Variants in CDH13 observed in about 807,000 individuals in gnomAD.
The protein encoded by CDH13 is cadherin-13.
Under a neutral mutation model 63.8 loss-of-function variants are expected in CDH13, and 24 were observed. The observed-to-expected ratio is 0.38, with a 90% CI of 0.27 to 0.53. The LOEUF is 0.53. Ranked by LOEUF, CDH13 falls within the 20% of genes least tolerant of loss-of-function variation. The probability of loss-of-function intolerance (pLI) is 0.85; values close to 1 mark genes in which losing one functional copy is unlikely to be tolerated. For synonymous variants in CDH13, 503 were observed against 355.3 expected, an observed-to-expected ratio of 1.42 and a Z score of -4.67; for missense variants, 1,049 against 903.1, an observed-to-expected ratio of 1.16 and a Z score of -2.07.
intron 10 of CDH13, among the ~76,000 whole-genome samples, chr16:83,691,114 G>C (rs891090452): frequency 6.2e-5 from 8 of 129,872 alleles, no homozygotes; most frequent in Non-Finnish European, 1.2e-4. Context: ...GTGTGTGTGT[G>C]TGTGTCAGAG....
chr16:83,755,031 G>T (rs995035062), intron 11 of CDH13, among the ~76,000 whole-genome samples: 1 of 152,026 alleles, frequency 6.6e-6, no homozygotes, highest in Non-Finnish European at 1.5e-5. Context: ...GACTACAGAG[G>T]ATCCAGATAT....
chr16:82,938,583 T>C (rs2042739713), intron 2 of CDH13, among the ~76,000 whole-genome samples: 1 of 152,184 alleles, frequency 6.6e-6, no homozygotes, highest in Non-Finnish European at 1.5e-5. Flanking sequence ...TCTAAGACAC[T>C]GGTCCAGTGG....
chr16:83,093,722 G>A (rs1019748234), intron 3 of CDH13, among the ~76,000 whole-genome samples: 2 of 152,270 alleles, frequency 1.3e-5, no homozygotes. Flanking sequence ...AATTTGCTAG[G>A]CGCTTGTACC....
At position 82,926,733 on chromosome 16, in the gene CDH13, G is replaced by A. The variant is rs1377979769; in HGVS notation, c.157+68260G>A. ...CCATAGTTATTCACCCAACCTCTGA[G>A]CAGTGTGAGGCATGGACAGGAGGAC... is the stretch of plus-strand genomic sequence containing the variant. On this transcript the variant is annotated intron_variant, in intron 2 of 13. Transcript: ENST00000567109. 2.0e-5 allele frequency among the ~76,000 whole-genome samples: 3 copies of A among 152,214 alleles called. No homozygotes were observed. The East Asian group carries it at 5.8e-4, about 29-fold the overall frequency.
Position 82,661,173 on chromosome 16 carries a change from A to G in CDH13, c.45+34036A>G, listed in dbSNP as rs571921030. ...TTCATCCTGATGGAGCAAACGGCTCATTGTTTACGCTGACCTAGTGAGGTT... is the reference window on the plus strand; with the variant it reads ...TTCATCCTGATGGAGCAAACGGCTCGTTGTTTACGCTGACCTAGTGAGGTT... On this transcript the variant is annotated intron_variant, in intron 1 of 13. Coordinates refer to ENST00000567109, the MANE Select transcript of CDH13 (RefSeq NM_001257.5). 9.2e-5 allele frequency among the ~76,000 whole-genome samples: 14 copies of G among 152,266 alleles called. No homozygotes were observed. In the South Asian group the frequency reaches 1.7e-3, roughly 18 times the overall value.
At chr16:82,836,059 C>G (rs541973333) in intron 1 of CDH13, among the ~76,000 whole-genome samples, 1 of 152,162 alleles carries the variant, frequency 6.6e-6, no homozygotes, top group South Asian at 2.1e-4. Flanking sequence ...TCCCATATGG[C>G]TTTTCAGGGC....
intron 4 of CDH13, among the ~76,000 whole-genome samples, chr16:83,179,209 C>G (rs1228061969): frequency 1.3e-5 from 2 of 152,050 alleles, no homozygotes; most frequent in African/African-American, 4.8e-5. Flanking sequence ...GATGTGTAGT[C>G]CCATTCATAT....
intron 4 of CDH13, among the ~76,000 whole-genome samples, chr16:83,209,103 G>A (rs1485002847): frequency 1.3e-5 from 2 of 152,112 alleles, no homozygotes; most frequent in Non-Finnish European, 2.9e-5. Context: ...TGAGACGAGG[G>A]GTTTTATTGG....
At chr16:82,879,576 CA>C (rs953600025) in intron 2 of CDH13, among the ~76,000 whole-genome samples, 38 of 136,010 alleles carry the variant, frequency 2.8e-4, no homozygotes, top group African/African-American at 1.0e-3. Context: ...ATTTTATATA[CA>C]ATATTATATA....
chr16:82,715,755 G>C (rs1335074992), intron 1 of CDH13, among the ~76,000 whole-genome samples: 1 of 152,164 alleles, frequency 6.6e-6, no homozygotes, highest in Admixed American at 6.6e-5. Flanking sequence ...ATGACATGCA[G>C]CACGAAGCAG....
chr16:82,700,951 A>AC (rs1287553502), intron 1 of CDH13, among the ~76,000 whole-genome samples: 26 of 13,822 alleles, frequency 1.9e-3, no homozygotes, highest in African/African-American at 3.3e-3. Flanking sequence ...AAGTGCTGGA[A>AC]CCCGCCCCCC....
chr16:83,503,610 A>G (rs1345970881), intron 7 of CDH13, among the ~76,000 whole-genome samples: 1 of 152,200 alleles, frequency 6.6e-6, no homozygotes, highest in Non-Finnish European at 1.5e-5. Context: ...CTAGCCCACA[A>G]GCCACTTTTG....
intron 4 of CDH13, among the ~76,000 whole-genome samples, chr16:83,134,954 A>G (rs2036218340): frequency 6.6e-6 from 1 of 152,174 alleles, no homozygotes; most frequent in Non-Finnish European, 1.5e-5. Context: ...AGGTTCCTAG[A>G]ACTTTATTGT....
chr16:83,430,674 G>T (rs1227203616), intron 6 of CDH13, among the ~76,000 whole-genome samples: 4 of 152,116 alleles, frequency 2.6e-5, no homozygotes, highest in Non-Finnish European at 5.9e-5. Flanking sequence ...GGTTGAAATT[G>T]TAAGAAAGTT....
chr16:83,209,759 C>G (rs900985448), intron 4 of CDH13, among the ~76,000 whole-genome samples: 7 of 151,990 alleles, frequency 4.6e-5, no homozygotes. Context: ...CTTTAACAGA[C>G]CTTGCAGGCG....
chr16:82,655,335 G>T (rs897197739), intron 1 of CDH13, among the ~76,000 whole-genome samples: 1 of 152,240 alleles, frequency 6.6e-6, no homozygotes, highest in Non-Finnish European at 1.5e-5. Context: ...TGTGATAGGG[G>T]TTGGGGGTGA....
At chr16:83,277,102 C>G (rs546600075) in intron 5 of CDH13, among the ~76,000 whole-genome samples, 17 of 152,214 alleles carry the variant, frequency 1.1e-4, no homozygotes, top group African/African-American at 3.9e-4. Context: ...AATCATATCA[C>G]AGAACTACCA....
At chr16:82,912,837 G>C (rs1244530433) in intron 2 of CDH13, among the ~76,000 whole-genome samples, 1 of 152,030 alleles carries the variant, frequency 6.6e-6, no homozygotes, top group African/African-American at 2.4e-5. Flanking sequence ...CAGCTACTTG[G>C]GAGGCTGAGG....
chr16:83,361,901 C>T (rs1232395057), intron 6 of CDH13, among the ~76,000 whole-genome samples: 1 of 151,994 alleles, frequency 6.6e-6, no homozygotes, highest in Non-Finnish European at 1.5e-5. Flanking sequence ...ATTGCTTTGG[C>T]TATTTGGGGT....
Sources: gnomAD v4.1 joint callset for allele counts (sites outside exome capture counted in the v4.1 genomes callset) on GRCh38, gnomAD v4.1.1 for gene constraint, MANE v1.5 for transcripts, NCBI Gene and HGNC (gene_info 2026-07-23, HGNC 2026-07-21) for gene names.